Variants in CACNA1D observed in about 807,000 individuals in gnomAD.
CACNA1D encodes voltage-dependent L-type calcium channel subunit alpha-1D.
Under a neutral mutation model 257.1 loss-of-function variants are expected in CACNA1D, and 55 were observed. The observed-to-expected ratio is 0.21, with a 90% CI of 0.17 to 0.27. CACNA1D has a LOEUF of 0.27. CACNA1D is among the 10% of genes least tolerant of loss of function. The pLI is 1.00. For missense variants in CACNA1D, 1,876 were observed against 2,784.0 expected (o/e 0.67, Z 7.34); for synonymous variants, 980 against 1,014.9 (o/e 0.97, Z 0.65).
In CACNA1D at chr3:53,800,206, C is replaced by T. The variant is rs534926531; in HGVS notation, c.4924-43C>T. The T allele has an allele frequency of 2.0e-5, 28 of 1,375,420 alleles. 1 individual carries two copies. In the South Asian group the frequency reaches 3.2e-4, roughly 16 times the overall value. 85.2% of individuals were successfully genotyped at this position (1,375,420 alleles called of 1,614,324 possible). ...GCCAGGACCCAGGCTGGCCCCAGGG[C>T]CCATGTGTGGTCTAACCTGTTCTGC... On this transcript the variant is annotated intron_variant, in intron 40 of 47. Transcript: ENST00000350061. The surrounding 1 kb of genome is among the most constrained non-coding windows in gnomAD (Gnocchi z 4.3).
chr3:53,553,768 C>T (rs1047335067), intron 3 of CACNA1D, among the ~76,000 whole-genome samples: 1 of 151,746 alleles, frequency 6.6e-6, no homozygotes, highest in Non-Finnish European at 1.5e-5. Context: ...AGATTTGATT[C>T]CCTGGCAGTC....
intron 3 of CACNA1D, among the ~76,000 whole-genome samples, chr3:53,591,708 G>A (rs1412694302): frequency 6.6e-6 from 1 of 152,198 alleles, no homozygotes; most frequent in Non-Finnish European, 1.5e-5. Context: ...AGTATCAAAG[G>A]TAAGAGCAAT....
Position 53,747,287 on chromosome 3 carries a change from T to C in CACNA1D, c.3168-15T>C. On this transcript the variant is annotated splice_polypyrimidine_tract_variant and intron_variant, in intron 25 of 47. Transcript: ENST00000350061. ...TGTGTGAAGCCAGACGACCCACACC[T>C]GTTTTCCTCTCCAGGGGACTTTTCA... 1.2e-6 allele frequency: 2 copies of C among 1,613,304 alleles called. No individual in the cohort carries two copies. Among genetic ancestry groups the C allele is most frequent in the Non-Finnish European group, 1.7e-6 (2 of 1,179,218 alleles).
At chr3:53,587,443 C>T (rs1350383381) in intron 3 of CACNA1D, among the ~76,000 whole-genome samples, 7 of 152,102 alleles carry the variant, frequency 4.6e-5, no homozygotes, top group Non-Finnish European at 8.8e-5. Flanking sequence ...CTGGGACCTG[C>T]GGGGGCCTGT....
intron 8 of CACNA1D, among the ~76,000 whole-genome samples, chr3:53,702,389 G>A (rs1360894455): frequency 6.6e-6 from 1 of 152,172 alleles, no homozygotes; most frequent in African/African-American, 2.4e-5. Context: ...CGCTGTCATC[G>A]AGGGGAGTTC....
chr3:53,537,172 A>G (rs1192808536), intron 3 of CACNA1D, among the ~76,000 whole-genome samples: 2 of 152,184 alleles, frequency 1.3e-5, no homozygotes, highest in Non-Finnish European at 2.9e-5. Context: ...TTAATAGTTA[A>G]CATTCCAAAA....
chr3:53,558,573 A>G (rs987130324), intron 3 of CACNA1D, among the ~76,000 whole-genome samples: 6 of 152,090 alleles, frequency 3.9e-5, no homozygotes, highest in Admixed American at 3.3e-4. Context: ...GAATTCTCTT[A>G]GTTTTCATCC....
chr3:53,779,090 G>C (rs2095412718), intron 37 of CACNA1D, among the ~76,000 whole-genome samples: 1 of 152,142 alleles, frequency 6.6e-6, no homozygotes, highest in African/African-American at 2.4e-5. Context: ...CTTGAGGCCA[G>C]AAGTTCAAGA....
rs2095383993 is a variant in CACNA1D, at chr3:53,774,327, C to T, written c.4111-260C>T. ...CATCATCACTGGGGTTTGATGTTGC[C>T]TGGCTACCTTTGTGTCTCCCCCAGG... On this transcript the variant is annotated intron_variant, in intron 33 of 47. Coordinates refer to ENST00000350061, the MANE Select transcript of CACNA1D (RefSeq NM_001128840.3). The surrounding 1 kb of genome is among the most constrained non-coding windows in gnomAD (Gnocchi z 4.3). 1 of 467,688 alleles carries T rather than the reference C, an allele frequency of 2.1e-6. No homozygotes were observed. Among genetic ancestry groups the T allele is most frequent in the Admixed American group, 3.4e-5 (1 of 29,504 alleles). 29.0% of individuals were successfully genotyped at this position (467,688 alleles called of 1,614,324 possible). A position where few individuals can be genotyped will look rare whatever the true frequency, so the allele number is the denominator to read the frequency against.
chr3:53,673,722 G>A lies in CACNA1D; in HGVS notation c.1220+596G>A. On this transcript the variant is annotated intron_variant, in intron 8 of 47. Coordinates refer to ENST00000350061, the MANE Select transcript of CACNA1D (RefSeq NM_001128840.3). The surrounding 1 kb of genome is among the most constrained non-coding windows in gnomAD (Gnocchi z 4.1). The stretch of plus-strand genomic sequence containing the variant: ...TCCTTACATTTTACAGGTAAATGAT[G>A]CGATAGGATGGGAATGGCCATGGGT... 3.7e-6 allele frequency: 6 copies of A among 1,611,104 alleles called. No individual in the cohort carries two copies. In the South Asian group the frequency reaches 5.5e-5, roughly 15 times the overall value.
chr3:53,795,081 C>A (rs944884883), intron 40 of CACNA1D, among the ~76,000 whole-genome samples: 3 of 152,236 alleles, frequency 2.0e-5, no homozygotes, highest in African/African-American at 7.2e-5. Context: ...TGTCCCCATT[C>A]GTCTAGCATG....
rs34227522 is a variant in CACNA1D at position 53,731,987 on chromosome 3, C to T, written c.2407-29C>T. On this transcript the variant is annotated intron_variant, in intron 17 of 47. Coordinates refer to ENST00000350061, the MANE Select transcript of CACNA1D (RefSeq NM_001128840.3). ...TGAAGTGATTTTAAGTCAGTCTCCC[C>T]TCCTCCCAAGATGTCTTTGTCATCC... is the stretch of plus-strand genomic sequence containing the variant. 2,857 of 1,448,908 alleles carry T rather than the reference C, an allele frequency of 2.0e-3. 4 individuals are homozygous for T. Among genetic ancestry groups the T allele is most frequent in the Non-Finnish European group, 2.6e-3 (2,688 of 1,029,194 alleles). 89.8% of individuals were successfully genotyped at this position (1,448,908 alleles called of 1,614,324 possible).
chr3:53,604,537 T>C lies in CACNA1D; in HGVS notation c.484-46242T>C, dbSNP rs144582675. 2.2e-3 allele frequency among the ~76,000 whole-genome samples: 310 copies of C among 143,542 alleles called. 1 individual carries two copies. Among genetic ancestry groups the C allele is most frequent in the African/African-American group, 7.0e-3 (281 of 40,110 alleles). 94.2% of individuals were successfully genotyped at this position (143,542 alleles called of 152,430 possible). Reference sequence around the variant, plus strand: ...CCCACCCCTGCCCTGCACTTCTCCCTGTAGCTCAGAAACCTTTTAATAGCC... The same window carrying C: ...CCCACCCCTGCCCTGCACTTCTCCCCGTAGCTCAGAAACCTTTTAATAGCC... On this transcript the variant is annotated intron_variant, in intron 3 of 47. Coordinates refer to ENST00000350061, the MANE Select transcript of CACNA1D (RefSeq NM_001128840.3).
intron 3 of CACNA1D, among the ~76,000 whole-genome samples, chr3:53,629,645 A>T (rs758748816): frequency 6.6e-6 from 1 of 152,092 alleles, no homozygotes; most frequent in Non-Finnish European, 1.5e-5. Context: ...TTGCTCACAC[A>T]CATTCCCTCC....
At chr3:53,794,705 A>C (rs2095499921) in intron 40 of CACNA1D, among the ~76,000 whole-genome samples, 1 of 152,212 alleles carries the variant, frequency 6.6e-6, no homozygotes, top group Non-Finnish European at 1.5e-5. Flanking sequence ...TAAAACAAGA[A>C]CATGCAAGCA....
chr3:53,728,375 G>A (rs77421828), intron 15 of CACNA1D, among the ~76,000 whole-genome samples: 2,802 of 152,186 alleles, frequency 0.018, 84 homozygotes, highest in African/African-American at 0.063. Flanking sequence ...CTGACCTCAG[G>A]TGATCCGCCC....
chr3:53,670,959 C>T (rs183556938), intron 7 of CACNA1D, among the ~76,000 whole-genome samples: 3 of 152,214 alleles, frequency 2.0e-5, no homozygotes, highest in Non-Finnish European at 2.9e-5. Flanking sequence ...GGAGCAAGAC[C>T]GTTCTCAGAG....
chr3:53,668,617 A>C (rs948849206), intron 7 of CACNA1D, among the ~76,000 whole-genome samples: 1 of 152,144 alleles, frequency 6.6e-6, no homozygotes, highest in Non-Finnish European at 1.5e-5. Flanking sequence ...ACCATGGAAC[A>C]TTCCCCGAGT....
intron 3 of CACNA1D, among the ~76,000 whole-genome samples, chr3:53,540,279 C>T (rs1384774112): frequency 6.0e-5 from 9 of 151,222 alleles, no homozygotes; most frequent in East Asian, 1.9e-4. Context: ...CCACCATGCC[C>T]GGCTAATTTT....
Sources: allele counts gnomAD v4.1 joint callset (sites outside exome capture counted in the v4.1 genomes callset), GRCh38; gene constraint gnomAD v4.1.1; non-coding constraint Gnocchi (gnomAD v3.1); transcripts MANE v1.5; gene names NCBI Gene and HGNC (gene_info 2026-07-23, HGNC 2026-07-21).